CDHR1: variants seen among roughly 807,000 people sequenced by gnomAD.
CDHR1 encodes the protein cadherin-related family member 1.
A neutral mutation model predicts 72.1 loss-of-function variants in CDHR1; 61 were observed. That is an observed-to-expected ratio of 0.85 (90% CI 0.69 to 1.05). The LOEUF (loss-of-function observed/expected upper bound fraction) is 1.05, where lower values mean the gene tolerates loss of function less well. Among genes scored for constraint, CDHR1 ranks in the 50% least tolerant of loss-of-function variants. The probability of loss-of-function intolerance (pLI) is 0.00; values close to 1 mark genes in which losing one functional copy is unlikely to be tolerated. For missense variants in CDHR1, 1,186 were observed against 1,115.7 expected, an observed-to-expected ratio of 1.06 and a Z score of -0.90; for synonymous variants, 470 against 448.1, an observed-to-expected ratio of 1.05 and a Z score of -0.62.
At chr10:84,213,046 G>T (rs1339726035) in intron 15 of CDHR1, 45 bp from the exon 16 acceptor site, 8 of 1,613,874 alleles carry the variant, frequency 5.0e-6, no homozygotes, top group African/African-American at 1.3e-5. Context: ...AGTACACAAG[G>T]ATTGTCCCCA....
rs186331682 is a variant in CDHR1, at chr10:84,194,913, C to T, written c.55+98C>T. The T allele has an allele frequency of 1.3e-3, 1,458 of 1,160,960 alleles. 17 individuals carry two copies. In the African/African-American group the frequency reaches 0.02, roughly 16 times the overall value. The allele number at this position is 1,160,960 out of a possible 1,614,324, so 71.9% of individuals were successfully genotyped here. On this transcript the variant is annotated intron_variant, in intron 1 of 16. Transcript: ENST00000623527. ...AGAGGGACATGGTCCTGGACCACTT[C>T]CAGAGTGGGACTCGGGCTGGTGGAC...
chr10:84,213,729 T>C (rs1056897047), intron 16 of CDHR1, among the ~76,000 whole-genome samples: 2 of 151,946 alleles, frequency 1.3e-5, no homozygotes, highest in Non-Finnish European at 2.9e-5. Flanking sequence ...CTCCCCCACT[T>C]GCCACAATCA....
At position 84,216,426 on chromosome 10, in the gene CDHR1, C is replaced by T; in HGVS notation, c.*1805C>T. ...GCCTGTGTTTCAGGAGAGGACTGTGCTGGATCATGCTTGCCCTCCACAGGG... is the reference window on the plus strand; with the variant it reads ...GCCTGTGTTTCAGGAGAGGACTGTGTTGGATCATGCTTGCCCTCCACAGGG... On this transcript the variant is annotated 3_prime_UTR_variant, in exon 17 of 17. Coordinates refer to ENST00000623527, the MANE Select transcript of CDHR1 (RefSeq NM_033100.4). 1 of 985,502 alleles carries T rather than the reference C, an allele frequency of 1.0e-6. No homozygotes were observed. The highest frequency in any genetic ancestry group is 5.2e-4 in the Middle Eastern group (1 of 1,916). The allele number at this position is 985,502 out of a possible 1,614,324, so 61.0% of individuals were successfully genotyped here. A position where few individuals can be genotyped will look rare whatever the true frequency, so the allele number is the denominator to read the frequency against.
chr10:84,207,283 A>G (rs1842242989), intron 10 of CDHR1, among the ~76,000 whole-genome samples: 1 of 152,120 alleles, frequency 6.6e-6, no homozygotes, highest in African/African-American at 2.4e-5. Context: ...CAGGTAAAGG[A>G]AACCCAGGAG....
rs115954209 is a variant in CDHR1, at chr10:84,202,559, G to A, written c.640-421G>A. 1.3e-3 allele frequency among the ~76,000 whole-genome samples: 193 copies of A among 152,318 alleles called. 1 individual carries two copies. Among genetic ancestry groups the A allele is most frequent in the African/African-American group, 4.5e-3 (187 of 41,570 alleles). ...CAGCCTCGCCTGCCCATAGCTGCAC[G>A]GGCTGGGCTGGTTGCACATCTCCAT... On this transcript the variant is annotated intron_variant, in intron 7 of 16. Transcript: ENST00000623527.
intron 5 of CDHR1, among the ~76,000 whole-genome samples, chr10:84,199,579 C>T (rs1842087174): frequency 6.6e-6 from 1 of 152,210 alleles, no homozygotes; most frequent in Non-Finnish European, 1.5e-5. Flanking sequence ...ATTTTAATAG[C>T]TTCCATAAGT....
rs1394912968 is a variant in CDHR1 at position 84,208,823 on chromosome 10, T to C, written c.1262T>C (p.Ile421Thr). 4 of 1,614,030 alleles carry C rather than the reference T, an allele frequency of 2.5e-6. No individual in the cohort carries two copies. In the South Asian group the frequency reaches 4.4e-5, roughly 18 times the overall value. ...GTCCTGAATGAAGCCCAAGTCACAA[T>C]CATTGTGGAGAACTCAGCTGCCATT... Reference protein sequence around the residue: ...QTVLNEAQVTIIVENSAAIDF... With the variant: ...QTVLNEAQVTTIVENSAAIDF... The change falls in exon 12 of 17, where the codon ATC (isoleucine) becomes ACC (threonine). Residue 421 changes from isoleucine (I) to threonine (T), a missense_variant. Transcript: ENST00000623527.
intron 2 of CDHR1, 54 bp from the exon 3 acceptor site, chr10:84,196,451 T>C: frequency 6.2e-7 from 1 of 1,606,466 alleles, no homozygotes; most frequent in Non-Finnish European, 8.5e-7. Context: ...ATCTGCCACT[T>C]TTAGGAAAAG....
rs746496476 is a variant in CDHR1 at position 84,200,592 on chromosome 10, C to T, written c.439-9C>T. On this transcript the variant is annotated splice_polypyrimidine_tract_variant and intron_variant, in intron 5 of 16. Coordinates refer to ENST00000623527, the MANE Select transcript of CDHR1 (RefSeq NM_033100.4). The stretch of plus-strand genomic sequence containing the variant: ...CTCTGACCCTCCCCTGTGGCTGTGA[C>T]CCCCTCAGGACATACCTGCTGGGAG... 6.2e-6 allele frequency: 10 copies of T among 1,601,294 alleles called. No homozygotes were observed. Among genetic ancestry groups the T allele is most frequent in the Non-Finnish European group, 8.5e-6 (10 of 1,172,030 alleles).
intron 3 of CDHR1, among the ~76,000 whole-genome samples, 190 bp downstream of exon 3, chr10:84,196,840 GCTC>G (rs962857915): frequency 6.6e-6 from 1 of 152,194 alleles, no homozygotes; most frequent in Non-Finnish European, 1.5e-5. Context: ...TTACTTTCAT[GCTC>G]CTCCTTCACA....
intron 9 of CDHR1, among the ~76,000 whole-genome samples, chr10:84,204,887 T>C (rs1045786614): frequency 6.6e-6 from 1 of 152,238 alleles, no homozygotes; most frequent in Non-Finnish European, 1.5e-5. Flanking sequence ...TGCTCCTTGA[T>C]GGGAATGCGT....
intron 3 of CDHR1, among the ~76,000 whole-genome samples, chr10:84,196,990 C>T (rs1307312125): frequency 6.6e-6 from 1 of 152,164 alleles, no homozygotes; most frequent in Non-Finnish European, 1.5e-5. Flanking sequence ...CAAGCCTGTC[C>T]TGGGAGAGGC....
downstream of CDHR1, chr10:84,219,295 A>G (rs1842473827): frequency 6.5e-7 from 1 of 1,549,714 alleles, no homozygotes; most frequent in Non-Finnish European, 8.7e-7. Context: ...AGATTCTCAG[A>G]AATCCTCCCT....
rs1842014834 is a variant in CDHR1, at chr10:84,195,556, GCT to G, written c.121_122del (p.Leu41ValfsTer22). 6.2e-7 allele frequency: 1 copy of G among 1,614,162 alleles called. No individual in the cohort carries two copies. ...NGVGSTNGNM[A>X]LFSLPEDTPV... ...GGTCGGCAGCACCAACGGAAACATG[GCT>G]CTGTTCAGCCTCCCAGAGGACACCC... On this transcript the variant is annotated frameshift_variant, in exon 2 of 17. Transcript: ENST00000623527. LOFTEE classifies it high-confidence loss of function.
In CDHR1 at chr10:84,214,466, T is replaced by C. The variant is rs764480417; in HGVS notation, c.2425T>C (p.Trp809Arg). The stretch of plus-strand genomic sequence containing the variant: ...GGCGCCCAGCACTGGCGCAGCCCAG[T>C]GGACCGTGCCTACTGTCTCTGGCTC... The part of the protein sequence containing the change: ...SVAPSTGAAQ[W>R]TVPTVSGSLT... The change falls in exon 17 of 17, where the codon TGG becomes CGG. Residue 809 changes from tryptophan (W) to arginine (R), a missense_variant. Physicochemically the swap from Trp to Arg is moderately radical, Grantham distance 101. Transcript: ENST00000623527. 3.1e-6 allele frequency: 5 copies of C among 1,611,096 alleles called. No homozygotes were observed. In the South Asian group the frequency reaches 4.4e-5, roughly 14 times the overall value.
In CDHR1 at chr10:84,202,960, G is replaced by A. The variant is rs369700588; in HGVS notation, c.640-20G>A. ...TCTCAACTTGTCTTCACTCTCCTGT[G>A]GCCTCCGATTCTTCTGCAGGATGGC... On this transcript the variant is annotated intron_variant, in intron 7 of 16. Coordinates refer to ENST00000623527, the MANE Select transcript of CDHR1 (RefSeq NM_033100.4). 1 of 1,614,144 alleles carries A rather than the reference G, an allele frequency of 6.2e-7. No homozygotes were observed. The highest frequency in any genetic ancestry group is 2.2e-5 in the East Asian group (1 of 44,874).
chr10:84,212,769 C>T (rs1200508088), intron 15 of CDHR1: 1 of 527,940 alleles, frequency 1.9e-6, no homozygotes, highest in Non-Finnish European at 3.4e-6. Flanking sequence ...TGAATCCTGA[C>T]TCCCTTTCTT....
chr10:84,205,955 T>C, intron 10 of CDHR1, 28 bp downstream of exon 10: 1 of 1,547,656 alleles, frequency 6.5e-7, no homozygotes, highest in Non-Finnish European at 8.9e-7. Context: ...TTGTCTTCCC[T>C]GCCCACCTTT....
At chr10:84,202,869 G>A in intron 7 of CDHR1, 111 bp from the exon 8 acceptor site, 1 of 1,179,548 alleles carries the variant, frequency 8.5e-7, no homozygotes, top group South Asian at 1.3e-5. Flanking sequence ...AACTTGGAGA[G>A]GACAGCTGGC....
Sources: allele counts gnomAD v4.1 joint callset (sites outside exome capture counted in the v4.1 genomes callset), GRCh38; gene constraint gnomAD v4.1.1; transcripts MANE v1.5; gene names NCBI Gene and HGNC (gene_info 2026-07-23, HGNC 2026-07-21).